Variants in AIMP2 observed in about 807,000 individuals in gnomAD.
The protein encoded by AIMP2 is aminoacyl tRNA synthase complex-interacting multifunctional protein 2.
AIMP2 carries 20 observed loss-of-function variants against 23.4 expected under a neutral mutation model. The observed-to-expected ratio is 0.85, with a 90% CI of 0.60 to 1.24. AIMP2 has a LOEUF of 1.24. Among genes scored for constraint, AIMP2 ranks in the 50% most tolerant of loss-of-function variants. AIMP2 has a pLI of 0.00. For missense variants in AIMP2, 515 were observed against 414.5 expected, an observed-to-expected ratio of 1.24 and a Z score of -2.10; for synonymous variants, 210 against 170.4, an observed-to-expected ratio of 1.23 and a Z score of -1.81.
chr7:6,011,510 G>C (rs752278738), intron 1 of AIMP2, among the ~76,000 whole-genome samples: 1 of 152,170 alleles, frequency 6.6e-6, no homozygotes, highest in Non-Finnish European at 1.5e-5. Context: ...GGAGAAACAG[G>C]CCTGTCCATT....
chr7:6,011,333 G>A (rs1035876872), intron 1 of AIMP2, among the ~76,000 whole-genome samples: 2 of 152,184 alleles, frequency 1.3e-5, no homozygotes, highest in Non-Finnish European at 2.9e-5. Flanking sequence ...CAAAGCTGGT[G>A]GGTGTAGCGT....
At chr7:6,022,092 AAG>A (rs1787467166) in intron 3 of AIMP2, among the ~76,000 whole-genome samples, 2 of 152,012 alleles carry the variant, frequency 1.3e-5, no homozygotes, top group Non-Finnish European at 2.9e-5. Flanking sequence ...TTTTCTTTTA[AAG>A]AGGCAGGGTC....
chr7:6,009,597 G>C, intron 1 of AIMP2, 99 bp downstream of exon 1: 2 of 1,082,906 alleles, frequency 1.8e-6, no homozygotes, highest in Middle Eastern at 3.4e-4. Context: ...ACCGGTTCAC[G>C]GCCCCACCCC....
intron 1 of AIMP2, among the ~76,000 whole-genome samples, chr7:6,009,966 A>ATATATATATATATATATATAT (rs1162854647): frequency 5.0e-5 from 2 of 40,172 alleles, no homozygotes; most frequent in African/African-American, 9.4e-5. Context: ...AAAAAAAAAA[A>ATATATATATATATATATATAT]AAAAAAAAAT....
chr7:6,023,379 G>A lies in AIMP2; in HGVS notation c.651G>A (p.Leu217=). The change falls in exon 4 of 4, where the codon TTG becomes TTA. Residue 217 remains leucine (L), a synonymous_variant. Transcript: ENST00000223029. ...GCGAAGGGAACATTGCACGTTTCTT[G>A]TTCTCTCTGTTTGGCCAGAAGCATA... ...IEGEGNIARF[L]FSLFGQKHNA... is the part of the protein sequence containing the mutation. The A allele has an allele frequency of 6.2e-7, 1 of 1,614,102 alleles. No homozygotes were observed. Among genetic ancestry groups the A allele is most frequent in the Non-Finnish European group, 8.5e-7 (1 of 1,180,008 alleles).
At position 6,023,745 on chromosome 7, in the gene AIMP2, G is replaced by A. The variant is rs1212576328; in HGVS notation, c.*54G>A. The A allele has an allele frequency of 6.2e-7, 1 of 1,613,192 alleles. No homozygotes were observed. The highest frequency in any genetic ancestry group is 8.5e-7 in the Non-Finnish European group (1 of 1,179,522). On this transcript the variant is annotated 3_prime_UTR_variant, in exon 4 of 4. Transcript: ENST00000223029. ...GATTTTAAGAATGGTGCTCTTTCAT[G>A]CCTATTATCAGTAAGGGGACTTGTA... is the stretch of plus-strand genomic sequence containing the variant.
At chr7:6,020,998 T>C (rs1583463718) in intron 3 of AIMP2, among the ~76,000 whole-genome samples, 2 of 152,218 alleles carry the variant, frequency 1.3e-5, no homozygotes, top group East Asian at 1.9e-4. Context: ...ACGCTTTTTC[T>C]GGATTAATTC....
At chr7:6,009,974 A>AAAATATATAT in intron 1 of AIMP2, among the ~76,000 whole-genome samples, 2 of 26,672 alleles carry the variant, frequency 7.5e-5, no homozygotes, top group African/African-American at 1.4e-4. Context: ...AAAAAAAAAA[A>AAAATATATAT]ATATATATAT....
rs987384026 is a variant in AIMP2 at position 6,015,451 on chromosome 7, G to A, written c.342+99G>A. ...TAAAGCCTTAGCTTTCAGGCCGGGC[G>A]TGGTGGCTCACGCCTGTAATTCCAG... is the stretch of plus-strand genomic sequence containing the variant. On this transcript the variant is annotated intron_variant, in intron 2 of 3. Coordinates refer to ENST00000223029, the MANE Select transcript of AIMP2 (RefSeq NM_006303.4). 3.3e-5 allele frequency: 45 copies of A among 1,357,686 alleles called. No homozygotes were observed. The African/African-American group carries it at 4.8e-4, about 14-fold the overall frequency. 84.1% of individuals were successfully genotyped at this position (1,357,686 alleles called of 1,614,324 possible). A position where few individuals can be genotyped will look rare whatever the true frequency, so the allele number is the denominator to read the frequency against.
chr7:6,015,600 T>C (rs1008456388), intron 2 of AIMP2, among the ~76,000 whole-genome samples: 1 of 152,318 alleles, frequency 6.6e-6, no homozygotes. Flanking sequence ...GGCGGGCACC[T>C]GTAGTCCCAG....
chr7:6,023,603 G>C lies in AIMP2; in HGVS notation c.875G>C (p.Ser292Thr), dbSNP rs1787625240. ...GTACTCCAGCAGATCGGAGGCTGCA[G>C]TGTGACAGTGCCAGCCAATGTGCAG... ...WSVLQQIGGC[S>T]VTVPANVQRW... Residue 292 changes from serine to threonine, a missense_variant, in exon 4 of 4, where the codon AGT becomes ACT. Physicochemically the swap from Ser to Thr is moderately conservative, Grantham distance 58. Coordinates refer to ENST00000223029, the MANE Select transcript of AIMP2 (RefSeq NM_006303.4). 1.9e-6 allele frequency: 3 copies of C among 1,614,230 alleles called. No homozygotes were observed. Among genetic ancestry groups the C allele is most frequent in the Non-Finnish European group, 8.5e-7 (1 of 1,180,042 alleles).
At chr7:6,012,418 A>C (rs968671635) in intron 1 of AIMP2, among the ~76,000 whole-genome samples, 2 of 152,178 alleles carry the variant, frequency 1.3e-5, no homozygotes, top group Non-Finnish European at 2.9e-5. Flanking sequence ...CAACATTAGA[A>C]GACACGAATG....
Position 6,009,293 on chromosome 7 carries a change from C to T in AIMP2, c.-71C>T, listed in dbSNP as rs915475094. The T allele has an allele frequency of 1.9e-6, 3 of 1,609,248 alleles. No homozygotes were observed. Among genetic ancestry groups the T allele is most frequent in the African/African-American group, 2.7e-5 (2 of 74,854 alleles). ...GGTCAGAAGGGAGGTGGCCGGTCTC[C>T]GTCGTGACCTCTGACGGTTTCTGAG... On this transcript the variant is annotated 5_prime_UTR_variant, in exon 1 of 4. Transcript: ENST00000223029.
Position 6,015,290 on chromosome 7 carries a change from C to T in AIMP2, c.280C>T (p.Gln94Ter). The change falls in exon 2 of 4, where the codon CAA becomes TAA. Residue 94 changes from glutamine (Q) to a stop codon, truncating the protein, a stop_gained. Coordinates refer to ENST00000223029, the MANE Select transcript of AIMP2 (RefSeq NM_006303.4). LOFTEE classifies it high-confidence loss of function. ...AGACTTGGATGTAACCAACATAATC[C>T]AAGCGGATGAGCCCACGACTTTAAC... is the stretch of plus-strand genomic sequence containing the variant. ...DADLDVTNII[Q>*]ADEPTTLTTN... is the part of the protein sequence containing the mutation. 6.2e-7 allele frequency: 1 copy of T among 1,614,130 alleles called. No individual in the cohort carries two copies. The highest frequency in any genetic ancestry group is 8.5e-7 in the Non-Finnish European group (1 of 1,180,028).
In AIMP2 at chr7:6,009,477, G is replaced by A. The variant is rs753777297; in HGVS notation, c.114G>A (p.Ala38=). Residue 38 remains alanine, a synonymous_variant, in exon 1 of 4, where the codon GCG becomes GCA. Transcript: ENST00000223029. ...PNVHGRSYGP[A]PGAGHVQEES... ...TGCACGGCAGGAGCTACGGCCCAGCGCCGGGCGCTGGCCACGTGCAGGTAG... is the reference window on the plus strand; with the variant it reads ...TGCACGGCAGGAGCTACGGCCCAGCACCGGGCGCTGGCCACGTGCAGGTAG... 4.4e-6 allele frequency: 7 copies of A among 1,582,402 alleles called. No homozygotes were observed. In the South Asian group the frequency reaches 5.6e-5, roughly 13 times the overall value.
chr7:6,018,155 T>TTC (rs919701625), intron 3 of AIMP2, 110 bp downstream of exon 3: 7 of 946,676 alleles, frequency 7.4e-6, no homozygotes, highest in Non-Finnish European at 1.1e-5. Flanking sequence ...TCTTTTTTTT[T>TTC]TTTTTTTTTG....
chr7:6,011,764 C>T (rs1279372892), intron 1 of AIMP2, among the ~76,000 whole-genome samples: 2 of 152,176 alleles, frequency 1.3e-5, no homozygotes, highest in African/African-American at 4.8e-5. Flanking sequence ...TGCACAGTCC[C>T]ATGAAGCCAA....
chr7:6,018,727 G>A (rs368765116), intron 3 of AIMP2, among the ~76,000 whole-genome samples: 2 of 151,766 alleles, frequency 1.3e-5, no homozygotes, highest in African/African-American at 4.8e-5. Context: ...CCAGCTACTC[G>A]GGAGGCGGAG....
chr7:6,011,080 T>C (rs1237096203), intron 1 of AIMP2, among the ~76,000 whole-genome samples: 5 of 152,162 alleles, frequency 3.3e-5, no homozygotes, highest in Admixed American at 6.5e-5. Context: ...CATATACTTA[T>C]CCATCCTGCT....
Sources: gnomAD v4.1 joint callset for allele counts (sites outside exome capture counted in the v4.1 genomes callset) on GRCh38, gnomAD v4.1.1 for gene constraint, MANE v1.5 for transcripts, NCBI Gene and HGNC (gene_info 2026-07-23, HGNC 2026-07-21) for gene names.